The following CTNNA3 variants were observed in gnomAD, a reference collection of about 807,000 sequenced individuals.
CTNNA3 encodes the protein catenin alpha 3.
In CTNNA3, 76 loss-of-function variants were observed where a neutral mutation model predicts 95.7. That is an observed-to-expected ratio of 0.79 (90% CI 0.66 to 0.96). The LOEUF is 0.96. Ranked by LOEUF, CTNNA3 falls within the 40% of genes least tolerant of loss-of-function variation. CTNNA3 has a pLI of 0.00. For missense variants in CTNNA3, 1,191 were observed against 1,089.8 expected, an observed-to-expected ratio of 1.09 and a Z score of -1.31; for synonymous variants, 431 against 374.4, an observed-to-expected ratio of 1.15 and a Z score of -1.74.
chr10:67,064,573 C>A (rs1855957861), intron 7 of CTNNA3, among the ~76,000 whole-genome samples: 1 of 152,150 alleles, frequency 6.6e-6, no homozygotes, highest in African/African-American at 2.4e-5. Flanking sequence ...AATTTTGACT[C>A]TTCCCCTTAG....
chr10:67,188,113 A>C (rs970046037), intron 6 of CTNNA3, among the ~76,000 whole-genome samples: 1 of 152,230 alleles, frequency 6.6e-6, no homozygotes, highest in Non-Finnish European at 1.5e-5. Flanking sequence ...TACAATGTGG[A>C]TGTGTTGTAT....
chr10:67,174,764 C>T lies in CTNNA3; in HGVS notation c.1047+5553G>A, dbSNP rs535370565. ...TCCAGCTTCAATATCTAAATCCAGC[C>T]TCTTTCATTGGGATGATTCCTTTAT... On this transcript the variant is annotated intron_variant, in intron 7 of 17. Coordinates refer to ENST00000433211, the MANE Select transcript of CTNNA3 (RefSeq NM_013266.4). Among the ~76,000 whole-genome samples, 83 of 152,216 alleles carry T rather than the reference C, an allele frequency of 5.5e-4. 1 individual carries two copies. Among genetic ancestry groups the T allele is most frequent in the African/African-American group, 1.9e-3 (81 of 41,554 alleles).
At chr10:66,374,033 C>T (rs1254160776) in intron 12 of CTNNA3, among the ~76,000 whole-genome samples, 1 of 152,188 alleles carries the variant, frequency 6.6e-6, no homozygotes, top group African/African-American at 2.4e-5. Context: ...ACCTATTCTC[C>T]TGCTTAACTA....
intron 12 of CTNNA3, among the ~76,000 whole-genome samples, chr10:66,318,896 C>A (rs1666344173): frequency 6.6e-6 from 1 of 151,360 alleles, no homozygotes; most frequent in African/African-American, 2.4e-5. Context: ...CACATCACTG[C>A]ACCTTAAAGG....
chr10:66,512,356 C>T (rs182442841), intron 11 of CTNNA3, among the ~76,000 whole-genome samples: 5 of 152,028 alleles, frequency 3.3e-5, no homozygotes, highest in Admixed American at 3.3e-4. Flanking sequence ...GGAATTTAAA[C>T]GGTTTACATT....
intron 6 of CTNNA3, among the ~76,000 whole-genome samples, chr10:67,186,050 A>T (rs1862832593): frequency 6.6e-6 from 1 of 152,048 alleles, no homozygotes; most frequent in Non-Finnish European, 1.5e-5. Flanking sequence ...AAAAAAATTA[A>T]ACCATTTAAA....
chr10:66,874,820 T>C (rs1307361561), intron 7 of CTNNA3, among the ~76,000 whole-genome samples: 1 of 152,222 alleles, frequency 6.6e-6, no homozygotes, highest in Non-Finnish European at 1.5e-5. Context: ...CTGCTGTGTT[T>C]ATTCGTTCAT....
chr10:66,516,159 A>G (rs963057744), intron 11 of CTNNA3, among the ~76,000 whole-genome samples: 1 of 151,814 alleles, frequency 6.6e-6, no homozygotes, highest in Non-Finnish European at 1.5e-5. Flanking sequence ...AGGGCCAGCT[A>G]GATTCTTTCT....
At chr10:67,327,662 G>A (rs773728841) in intron 5 of CTNNA3, among the ~76,000 whole-genome samples, 43 of 152,320 alleles carry the variant, frequency 2.8e-4, no homozygotes, top group Middle Eastern at 3.4e-3. Context: ...AACGGGTGGT[G>A]TCAGCCAAAG....
chr10:66,451,740 A>T (rs1407986459), intron 11 of CTNNA3, among the ~76,000 whole-genome samples: 1 of 152,172 alleles, frequency 6.6e-6, no homozygotes, highest in Admixed American at 6.6e-5. Context: ...CATTTTTATA[A>T]GAAACTACTC....
At chr10:66,424,170 C>T (rs2093220004) in intron 11 of CTNNA3, among the ~76,000 whole-genome samples, 1 of 151,876 alleles carries the variant, frequency 6.6e-6, no homozygotes. Context: ...TATGAGTTCT[C>T]CTTCACAGTT....
intron 12 of CTNNA3, among the ~76,000 whole-genome samples, chr10:66,298,801 C>T (rs968009684): frequency 2.6e-5 from 4 of 152,170 alleles, no homozygotes; most frequent in Non-Finnish European, 5.9e-5. Context: ...AATACAGGAT[C>T]TTCCATTATT....
chr10:66,059,577 G>T (rs2080154513), intron 15 of CTNNA3, among the ~76,000 whole-genome samples: 1 of 151,836 alleles, frequency 6.6e-6, no homozygotes, highest in African/African-American at 2.4e-5. Context: ...TTCCCTGTCT[G>T]CTTTGCTGCC....
At chr10:66,316,654 T>C (rs979976915) in intron 12 of CTNNA3, among the ~76,000 whole-genome samples, 13 of 151,968 alleles carry the variant, frequency 8.6e-5, no homozygotes, top group African/African-American at 2.9e-4. Flanking sequence ...AAAACCCCTA[T>C]AGACACCAGA....
At chr10:66,848,227 T>C (rs1270867079) in intron 7 of CTNNA3, among the ~76,000 whole-genome samples, 1 of 152,206 alleles carries the variant, frequency 6.6e-6, no homozygotes, top group Non-Finnish European at 1.5e-5. Flanking sequence ...GGAAATCATA[T>C]ATAGGCAAGA....
intron 5 of CTNNA3, among the ~76,000 whole-genome samples, chr10:67,345,357 A>G (rs1842370684): frequency 2.6e-5 from 4 of 152,116 alleles, no homozygotes; most frequent in Non-Finnish European, 5.9e-5. Context: ...CATTTGGTTC[A>G]TAGTGCAGAT....
At chr10:66,158,376 C>T (rs922190303) in intron 13 of CTNNA3, among the ~76,000 whole-genome samples, 4 of 152,048 alleles carry the variant, frequency 2.6e-5, no homozygotes, top group African/African-American at 4.8e-5. Flanking sequence ...ATGTGGCTAG[C>T]CAATTATCCT....
intron 7 of CTNNA3, among the ~76,000 whole-genome samples, chr10:66,816,412 A>T (rs571854585): frequency 4.4e-4 from 67 of 152,244 alleles, no homozygotes; most frequent in African/African-American, 1.6e-3. Context: ...GGATTTTTAA[A>T]AATAATACAA....
intron 2 of CTNNA3, among the ~76,000 whole-genome samples, chr10:67,638,220 T>C (rs1228100733): frequency 6.6e-6 from 1 of 152,152 alleles, no homozygotes; most frequent in Non-Finnish European, 1.5e-5. Context: ...AATCCTAGTC[T>C]CTGATAAGAC....
Sources: allele counts gnomAD v4.1 joint callset (sites outside exome capture counted in the v4.1 genomes callset), GRCh38; gene constraint gnomAD v4.1.1; transcripts MANE v1.5; gene names NCBI Gene and HGNC (gene_info 2026-07-23, HGNC 2026-07-21).